The following METTL21A variants were observed in gnomAD, a reference collection of about 807,000 sequenced individuals.
METTL21A encodes protein N-lysine methyltransferase METTL21A.
METTL21A carries 22 observed loss-of-function variants against 20.9 expected under a neutral mutation model. The ratio of observed to expected loss-of-function variants is 1.05; its 90% CI spans 0.75 to 1.50. The LOEUF (loss-of-function observed/expected upper bound fraction) is 1.50. Among genes scored for constraint, METTL21A ranks in the 40% most tolerant of loss-of-function variants. The probability of loss-of-function intolerance (pLI) is 0.00; values close to 1 mark genes in which losing one functional copy is unlikely to be tolerated. For missense variants in METTL21A, 271 were observed against 266.8 expected, an observed-to-expected ratio of 1.02 and a Z score of -0.11; for synonymous variants, 93 against 102.0, an observed-to-expected ratio of 0.91 and a Z score of 0.53.
At position 207,624,130 on chromosome 2, in the gene METTL21A, G is replaced by A. The variant is rs185244816; in HGVS notation, c.147+99C>T. The stretch of plus-strand genomic sequence containing the variant: ...TTTAAATAGGTAAAGTGTATGCTAT[G>A]TGAATTATATCTCAATAAAGCTGTT... On this transcript the variant is annotated intron_variant, in intron 2 of 3. Coordinates refer to ENST00000406927, the Ensembl canonical transcript of METTL21A. 3.1e-5 allele frequency: 43 copies of A among 1,380,632 alleles called. No homozygotes were observed. The African/African-American group carries it at 4.4e-4, about 14-fold the overall frequency. 85.5% of individuals were successfully genotyped at this position (1,380,632 alleles called of 1,614,324 possible). A position where few individuals can be genotyped will look rare whatever the true frequency, so the allele number is the denominator to read the frequency against.
chr2:207,605,059 T>G (rs1409551729), downstream of METTL21A, among the ~76,000 whole-genome samples: 1 of 152,226 alleles, frequency 6.6e-6, no homozygotes, highest in East Asian at 1.9e-4. Flanking sequence ...TTTGAGTCCG[T>G]GTTTTCAATT....
chr2:207,620,723 G>T (rs2090385687), intron 3 of METTL21A: 2 of 1,529,578 alleles, frequency 1.3e-6, no homozygotes, highest in African/African-American at 2.8e-5. Flanking sequence ...GGAAACCTCT[G>T]TCAATTTACA....
At chr2:207,601,362 T>C (rs2106636867) in intron 3 of METTL21A, 1 of 185,874 alleles carries the variant, frequency 5.4e-6, no homozygotes, top group Non-Finnish European at 1.1e-5. Context: ...ATGTGACTTT[T>C]TAAATGGAAG....
At chr2:207,606,756 A>G (rs2551931), downstream of METTL21A, among the ~76,000 whole-genome samples, 128,403 of 152,116 alleles carry the variant, frequency 0.84, 54,388 homozygotes, top group East Asian at 1. Flanking sequence ...ATCTAGGGCC[A>G]CTTAACAGTA....
chr2:207,605,438 T>C (rs926921616), downstream of METTL21A, among the ~76,000 whole-genome samples: 2 of 152,206 alleles, frequency 1.3e-5, no homozygotes, highest in African/African-American at 4.8e-5. Flanking sequence ...TTCTGGGTAC[T>C]AGGCCCTTAT....
At chr2:207,592,377 G>A (rs2085212675) in intron 3 of METTL21A, among the ~76,000 whole-genome samples, 1 of 152,120 alleles carries the variant, frequency 6.6e-6, no homozygotes, top group Non-Finnish European at 1.5e-5. Context: ...CTGCACTCCA[G>A]CCTGGCAACA....
Position 207,613,082 on chromosome 2 carries a change from G to A in METTL21A, c.621C>T (p.Tyr207=), listed in dbSNP as rs377049196. 42 of 1,586,280 alleles carry A rather than the reference G, an allele frequency of 2.6e-5. No individual in the cohort carries two copies. The African/African-American group carries it at 4.3e-4, about 16-fold the overall frequency. ...CCTTCTGGTTTCTCTTCTGTGCTTC[G>A]TAAATATGTACATCTTTTTCAGGAT... is the stretch of plus-strand genomic sequence containing the variant. Residue 207 remains tyrosine, a synonymous_variant, in exon 4 of 4, where the codon TAC becomes TAT. Coordinates refer to ENST00000406927, the Ensembl canonical transcript of METTL21A.
At chr2:207,601,889 C>T (rs190175450) in intron 3 of METTL21A, 1 of 214,770 alleles carries the variant, frequency 4.7e-6, no homozygotes, top group East Asian at 6.9e-5. Flanking sequence ...CTTGAATATT[C>T]TTAATGTAAT....
chr2:207,605,757 G>T (rs1054118017), downstream of METTL21A, among the ~76,000 whole-genome samples: 46 of 152,102 alleles, frequency 3.0e-4, no homozygotes, highest in African/African-American at 1.0e-3. Flanking sequence ...ATTTTTTACT[G>T]TTACAGATAT....
chr2:207,624,282 G>T (rs1444529427), exon 2 of METTL21A: 20 of 1,613,784 alleles, frequency 1.2e-5, no homozygotes, highest in Non-Finnish European at 1.7e-5. Flanking sequence ...TGCCGGATCT[G>T]GATCGTGTGG....
chr2:207,602,538 C>CA (rs2087258203), intron 3 of METTL21A: 1 of 210,424 alleles, frequency 4.8e-6, no homozygotes, highest in Non-Finnish European at 9.6e-6. Context: ...AGGAGCATCT[C>CA]AGAGAAGTGA....
chr2:207,617,264 T>C (rs2089897057), intron 3 of METTL21A, among the ~76,000 whole-genome samples: 1 of 152,142 alleles, frequency 6.6e-6, no homozygotes, highest in Non-Finnish European at 1.5e-5. Flanking sequence ...AAGTCTCATG[T>C]GGGAGAGACA....
intron 3 of METTL21A, chr2:207,597,117 G>C: frequency 6.7e-7 from 1 of 1,492,024 alleles, no homozygotes; most frequent in Non-Finnish European, 8.9e-7. Context: ...GCCACAACCT[G>C]AAAGACAAAA....
chr2:207,580,764 T>C (rs749367537), downstream of METTL21A: 15 of 225,092 alleles, frequency 6.7e-5, no homozygotes, highest in Non-Finnish European at 1.1e-4. Flanking sequence ...TCTTAAAATT[T>C]CTTCCTCACT....
In METTL21A at chr2:207,601,931, CTG is replaced by C. The variant is rs200579743; in HGVS notation, c.260-19773_260-19772del. The C allele has an allele frequency of 2.4e-4, 51 of 211,504 alleles. No individual in the cohort carries two copies. The East Asian group carries it at 3.5e-3, about 15-fold the overall frequency. The allele number at this position is 211,504 out of a possible 1,614,324, so 13.1% of individuals were successfully genotyped here. A position where few individuals can be genotyped will look rare whatever the true frequency, so the allele number is the denominator to read the frequency against. On this transcript the variant is annotated intron_variant, in intron 3 of 3. Transcript: ENST00000425132. ...GACTATTAAGTTGGCTACACAGTCACTGTATGTACTAGGAACTGGTTTCCTTG... is the reference window on the plus strand; with the variant it reads ...GACTATTAAGTTGGCTACACAGTCACTATGTACTAGGAACTGGTTTCCTTG...
chr2:207,596,455 C>T (rs1305507293), intron 3 of METTL21A, among the ~76,000 whole-genome samples: 1 of 151,450 alleles, frequency 6.6e-6, no homozygotes, highest in South Asian at 2.1e-4. Context: ...TTCTTTGAGA[C>T]GGAGTCTCAC....
intron 3 of METTL21A, among the ~76,000 whole-genome samples, chr2:207,592,911 C>CAAAAAGGAAAAAAAAAAAAAA (rs1553509947): frequency 1.4e-5 from 2 of 145,122 alleles, no homozygotes; most frequent in African/African-American, 5.1e-5. Flanking sequence ...GACTCCATCT[C>CAAAAAGGAAAAAAAAAAAAAA]AAAAAAGAAA....
chr2:207,608,302 C>CT (rs1022551962), downstream of METTL21A, among the ~76,000 whole-genome samples: 4 of 152,048 alleles, frequency 2.6e-5, no homozygotes, highest in Non-Finnish European at 5.9e-5. Flanking sequence ...CTTTTCACAC[C>CT]CTAATCTCAA....
At chr2:207,595,555 A>G (rs1437398402) in intron 3 of METTL21A, among the ~76,000 whole-genome samples, 1 of 151,858 alleles carries the variant, frequency 6.6e-6, no homozygotes, top group East Asian at 1.9e-4. Flanking sequence ...GACTACACGC[A>G]CACACCACCT....
Sources: allele counts gnomAD v4.1 joint callset (sites outside exome capture counted in the v4.1 genomes callset), GRCh38; gene constraint gnomAD v4.1.1; transcripts MANE v1.5; gene names NCBI Gene and HGNC (gene_info 2026-07-23, HGNC 2026-07-21).